ITPRID2: variants seen among roughly 807,000 people sequenced by gnomAD.
ITPRID2 encodes protein ITPRID2.
Under a neutral mutation model 124.3 loss-of-function variants are expected in ITPRID2, and 60 were observed. The ratio of observed to expected loss-of-function variants is 0.48; its 90% CI spans 0.39 to 0.60. ITPRID2 has a LOEUF of 0.60. ITPRID2 is among the 20% of genes least tolerant of loss of function. ITPRID2 has a pLI of 0.00. For missense variants in ITPRID2, 1,553 were observed against 1,512.2 expected, an observed-to-expected ratio of 1.03 and a Z score of -0.45; for synonymous variants, 521 against 542.9, an observed-to-expected ratio of 0.96 and a Z score of 0.56.
chr2:181,902,139 A>C lies in ITPRID2; in HGVS notation c.1086A>C (p.Glu362Asp), dbSNP rs761720342. ...SSSMLATVKE[E>D]VSGSSAAVTE... ...CTATGTTGGCTACAGTTAAAGAAGA[A>C]GTCTCTGGTAGTTCAGCAGCTGTTA... Residue 362 changes from glutamate (E) to aspartate (D), a missense_variant, in exon 8 of 18, where the codon GAA (glutamate) becomes GAC (aspartate). Transcript: ENST00000431877. This position sits in a 1 kb window ranked among gnomAD's most constrained non-coding sequence, Gnocchi z 4.4. The C allele has an allele frequency of 1.7e-5, 27 of 1,613,290 alleles. No homozygotes were observed. Among genetic ancestry groups the C allele is most frequent in the East Asian group, 2.2e-5 (1 of 44,876 alleles).
intron 4 of ITPRID2, 60 bp downstream of exon 4, chr2:181,897,024 A>G: frequency 7.0e-7 from 1 of 1,420,366 alleles, no homozygotes; most frequent in South Asian, 1.2e-5. Flanking sequence ...AAAAATGAGA[A>G]AGCTGAATGG....
In ITPRID2 at chr2:181,929,701, T is replaced by C; in HGVS notation, c.*154T>C. On this transcript the variant is annotated 3_prime_UTR_variant, in exon 18 of 18. Transcript: ENST00000431877. ...TGTACAATGTGTATTTCTTCAACCA[T>C]ATATTTTAAAAAGACGTACATAGAA... 7.3e-7 allele frequency: 1 copy of C among 1,375,730 alleles called. No homozygotes were observed. The highest frequency in any genetic ancestry group is 1.0e-6 in the Non-Finnish European group (1 of 1,002,568). The allele number at this position is 1,375,730 out of a possible 1,614,324, so 85.2% of individuals were successfully genotyped here.
intron 7 of ITPRID2, among the ~76,000 whole-genome samples, chr2:181,901,421 G>A (rs1356339948): frequency 1.3e-5 from 2 of 152,136 alleles, no homozygotes. Context: ...CATTTTCTTA[G>A]GAGAATTTTG....
At chr2:181,925,289 G>A (rs907471673) in intron 16 of ITPRID2, among the ~76,000 whole-genome samples, 1 of 152,150 alleles carries the variant, frequency 6.6e-6, no homozygotes, top group Non-Finnish European at 1.5e-5. Flanking sequence ...TTTTTGTATT[G>A]TCGATCAGCA....
Position 181,915,868 on chromosome 2 carries a change from C to A in ITPRID2, c.2228C>A (p.Thr743Asn), listed in dbSNP as rs746731014. 6.2e-7 allele frequency: 1 copy of A among 1,614,106 alleles called. No homozygotes were observed. Among genetic ancestry groups the A allele is most frequent in the African/African-American group, 1.3e-5 (1 of 74,932 alleles). ...PLRRSQSLPT[T>N]LLSPVRVVSS... ...AGAAGGTCTCAGTCTTTACCAACCACCTTATTGAGCCCAGTAAGGGTTGTG... is the reference window on the plus strand; with the variant it reads ...AGAAGGTCTCAGTCTTTACCAACCAACTTATTGAGCCCAGTAAGGGTTGTG... Residue 743 changes from threonine (T) to asparagine (N), a missense_variant, in exon 11 of 18, where the codon ACC (threonine) becomes AAC (asparagine). Thr to Asn is a moderately conservative substitution (Grantham distance 65, BLOSUM62 0). Transcript: ENST00000431877.
intron 8 of ITPRID2, among the ~76,000 whole-genome samples, chr2:181,906,906 A>G (rs1447650254): frequency 6.6e-6 from 1 of 152,230 alleles, no homozygotes; most frequent in African/African-American, 2.4e-5. Flanking sequence ...TTGTACAAGA[A>G]CTAATCATCT....
intron 16 of ITPRID2, among the ~76,000 whole-genome samples, chr2:181,926,033 G>T (rs981584362): frequency 2.6e-5 from 4 of 152,098 alleles, no homozygotes; most frequent in Non-Finnish European, 5.9e-5. Context: ...CAGCACTTTG[G>T]GAGGCCGAGG....
At chr2:181,903,749 T>C (rs561925896) in intron 8 of ITPRID2, among the ~76,000 whole-genome samples, 39 of 152,346 alleles carry the variant, frequency 2.6e-4, no homozygotes, top group Non-Finnish European at 1.0e-4. Context: ...GTATAATTTA[T>C]TTCTCATCGT....
chr2:181,892,219 G>C lies in ITPRID2; in HGVS notation c.153G>C (p.Glu51Asp). ...CCACAGAAGCGACGACGCAGGACGA[G>C]GAGGAGGACGAGGAGGAGGACCTCC... ...DLSTEATTQDEEEDEEEDLPG... is the reference protein window; with the variant it reads ...DLSTEATTQDDEEDEEEDLPG... Residue 51 changes from glutamate to aspartate, a missense_variant, in exon 1 of 18, where the codon GAG becomes GAC. Coordinates refer to ENST00000431877, the MANE Select transcript of ITPRID2 (RefSeq NM_001130445.3). The surrounding 1 kb of genome is among the most constrained non-coding windows in gnomAD (Gnocchi z 5.2). 6.4e-7 allele frequency: 1 copy of C among 1,550,924 alleles called. No individual in the cohort carries two copies. Among genetic ancestry groups the C allele is most frequent in the African/African-American group, 1.4e-5 (1 of 73,180 alleles).
At chr2:181,924,744 A>G (rs1189456480) in intron 16 of ITPRID2, among the ~76,000 whole-genome samples, 1 of 152,254 alleles carries the variant, frequency 6.6e-6, no homozygotes, top group Non-Finnish European at 1.5e-5. Flanking sequence ...GAAGGACAAC[A>G]TTGAAAGTCT....
intron 11 of ITPRID2, chr2:181,918,255 A>G: frequency 9.9e-7 from 1 of 1,010,300 alleles, no homozygotes. Context: ...GTTAATAATC[A>G]CTATAATCTC....
intron 9 of ITPRID2, among the ~76,000 whole-genome samples, chr2:181,913,224 C>A (rs953113837): frequency 6.6e-6 from 1 of 152,058 alleles, no homozygotes; most frequent in African/African-American, 2.4e-5. Context: ...CCCGCTACCA[C>A]GCCTGGCTAA....
In ITPRID2 at chr2:181,929,590, A is replaced by G. The variant is rs1695134556; in HGVS notation, c.*43A>G. The G allele has an allele frequency of 2.5e-6, 4 of 1,613,042 alleles. No homozygotes were observed. The highest frequency in any genetic ancestry group is 3.4e-6 in the Non-Finnish European group (4 of 1,179,464). ...GCATGGATCCTATTAGCTGTGTAAT[A>G]CTGGAATTATCAATGATATGCACTG... is the stretch of plus-strand genomic sequence containing the variant. On this transcript the variant is annotated 3_prime_UTR_variant, in exon 18 of 18. Coordinates refer to ENST00000431877, the MANE Select transcript of ITPRID2 (RefSeq NM_001130445.3).
At chr2:181,908,952 A>G (rs1267721301) in intron 8 of ITPRID2, among the ~76,000 whole-genome samples, 4 of 152,190 alleles carry the variant, frequency 2.6e-5, no homozygotes, top group South Asian at 2.1e-4. Flanking sequence ...ATTACAGAGT[A>G]AAGTGACAGA....
chr2:181,929,780 A>G lies in ITPRID2; in HGVS notation c.*233A>G. ...AACTATCAAAAACTCTAGCAGTTTG[A>G]AAAGCCTAATATTTATTTGTATGTC... On this transcript the variant is annotated 3_prime_UTR_variant, in exon 18 of 18. Coordinates refer to ENST00000431877, the MANE Select transcript of ITPRID2 (RefSeq NM_001130445.3). 1 of 535,460 alleles carries G rather than the reference A, an allele frequency of 1.9e-6. No individual in the cohort carries two copies. Among genetic ancestry groups the G allele is most frequent in the South Asian group, 4.8e-5 (1 of 20,928 alleles). The allele number at this position is 535,460 out of a possible 1,614,324, so 33.2% of individuals were successfully genotyped here. A position where few individuals can be genotyped will look rare whatever the true frequency, so the allele number is the denominator to read the frequency against.
At chr2:181,916,600 G>T in intron 11 of ITPRID2, 173 bp downstream of exon 11, 1 of 914,408 alleles carries the variant, frequency 1.1e-6, no homozygotes, top group South Asian at 1.9e-5. Flanking sequence ...CTGTTTCAAG[G>T]GAGAAGCTGT....
At chr2:181,926,209 A>G (rs1180010082) in intron 16 of ITPRID2, among the ~76,000 whole-genome samples, 1 of 151,976 alleles carries the variant, frequency 6.6e-6, no homozygotes, top group Non-Finnish European at 1.5e-5. Flanking sequence ...GGTTGCAGTG[A>G]GCCGAGATTG....
intron 7 of ITPRID2, 22 bp from the exon 8 acceptor site, chr2:181,901,744 T>C (rs939404610): frequency 6.6e-7 from 1 of 1,519,598 alleles, no homozygotes; most frequent in Non-Finnish European, 8.9e-7. Context: ...AAACATATCA[T>C]TAATATTGTT....
At position 181,896,172 on chromosome 2, in the gene ITPRID2, AT is replaced by A; in HGVS notation, c.307+94del. The A allele has an allele frequency of 2.6e-6, 3 of 1,135,976 alleles. No individual in the cohort carries two copies. The highest frequency in any genetic ancestry group is 2.6e-6 in the Non-Finnish European group (2 of 761,804). The allele number at this position is 1,135,976 out of a possible 1,614,324, so 70.4% of individuals were successfully genotyped here. The stretch of plus-strand genomic sequence containing the variant: ...AGTGTATATATGACTTATAAAAGTG[AT>A]ATTCATGTTTATAGTATATGCTATT... On this transcript the variant is annotated intron_variant, in intron 3 of 17. Coordinates refer to ENST00000431877, the MANE Select transcript of ITPRID2 (RefSeq NM_001130445.3). The surrounding 1 kb of genome is among the most constrained non-coding windows in gnomAD (Gnocchi z 4.3).
Sources: allele counts gnomAD v4.1 joint callset (sites outside exome capture counted in the v4.1 genomes callset), GRCh38; gene constraint gnomAD v4.1.1; non-coding constraint Gnocchi (gnomAD v3.1); transcripts MANE v1.5; gene names NCBI Gene and HGNC (gene_info 2026-07-23, HGNC 2026-07-21).